TXNDC16: variants seen among roughly 807,000 people sequenced by gnomAD.
The protein encoded by TXNDC16 is thioredoxin domain containing 16.
In TXNDC16, 74 loss-of-function variants were observed where a neutral mutation model predicts 85.6. That is an observed-to-expected ratio of 0.86 (90% CI 0.72 to 1.05). TXNDC16 has a LOEUF of 1.05. Ranked by LOEUF, TXNDC16 falls within the 50% of genes least tolerant of loss-of-function variation. The pLI is 0.00. For synonymous variants in TXNDC16, 335 were observed against 326.5 expected (o/e 1.03, Z -0.28); for missense variants, 959 against 947.0 (o/e 1.01, Z -0.17).
At chr14:52,501,212 T>C (rs1453926548) in intron 9 of TXNDC16, among the ~76,000 whole-genome samples, 3 of 152,140 alleles carry the variant, frequency 2.0e-5, no homozygotes, top group Non-Finnish European at 4.4e-5. Flanking sequence ...GTATAAGACA[T>C]AGTTGTGTTA....
rs752693840 is a variant in TXNDC16, at chr14:52,543,573, T to C, written c.-16A>G. 8 of 1,611,784 alleles carry C rather than the reference T, an allele frequency of 5.0e-6. No individual in the cohort carries two copies. In the South Asian group the frequency reaches 5.5e-5, roughly 11 times the overall value. ...CGGAAAACATTATCAGCTGCAGTTG[T>C]ATCTGAGCGGATTTTGTCTGTTTTT... On this transcript the variant is annotated 5_prime_UTR_variant, in exon 3 of 21. It adds an upstream start codon to the 5' untranslated region. Transcript: ENST00000281741.
intron 6 of TXNDC16, among the ~76,000 whole-genome samples, chr14:52,528,696 C>T (rs977113909): frequency 6.7e-6 from 1 of 150,344 alleles, no homozygotes; most frequent in South Asian, 2.1e-4. Flanking sequence ...AAGTGAAATA[C>T]TATTTTGTTT....
Position 52,440,625 on chromosome 14 carries a change from C to A in TXNDC16, c.1942G>T (p.Ala648Ser), listed in dbSNP as rs1238794041. The A allele has an allele frequency of 5.6e-6, 9 of 1,609,412 alleles. No individual in the cohort carries two copies. The South Asian group carries it at 1.0e-4, about 18-fold the overall frequency. The change falls in exon 19 of 21, where the codon GCA becomes TCA. Residue 648 changes from alanine to serine, a missense_variant. Coordinates refer to ENST00000281741, the MANE Select transcript of TXNDC16 (RefSeq NM_020784.3). ...TTCTGCTTTACCAGTGTCAATATTGCTTTTTTATACTGAGGATTTACAGTG... is the reference window on the plus strand; with the variant it reads ...TTCTGCTTTACCAGTGTCAATATTGATTTTTTATACTGAGGATTTACAGTG... ...DGTVNPQYKK[A>S]ILTLVKQKYL...
intron 14 of TXNDC16, among the ~76,000 whole-genome samples, chr14:52,475,544 C>T (rs541554405): frequency 2.0e-5 from 3 of 151,990 alleles, no homozygotes; most frequent in Non-Finnish European, 4.4e-5. Context: ...CTGTGACTGC[C>T]GGCTTTCCTC....
intron 12 of TXNDC16, among the ~76,000 whole-genome samples, chr14:52,486,776 A>G (rs1020146281): frequency 2.0e-5 from 3 of 152,192 alleles, no homozygotes; most frequent in East Asian, 3.8e-4. Flanking sequence ...ATAAACAAAA[A>G]AGGCAAAGCT....
chr14:52,530,445 T>TAA (rs2037514339), intron 6 of TXNDC16, among the ~76,000 whole-genome samples: 1 of 14,430 alleles, frequency 6.9e-5, no homozygotes, highest in African/African-American at 4.5e-4. Context: ...ATATAATATA[T>TAA]TATTATATAA....
At position 52,440,720 on chromosome 14, in the gene TXNDC16, T is replaced by C. The variant is rs1173555968; in HGVS notation, c.1847A>G (p.Glu616Gly). 5.0e-6 allele frequency: 8 copies of C among 1,604,896 alleles called. No homozygotes were observed. Among genetic ancestry groups the C allele is most frequent in the Admixed American group, 1.7e-5 (1 of 57,816 alleles). The stretch of plus-strand genomic sequence containing the variant: ...ACTGGGAAGATTTTCCACAGTGATT[T>C]CCGGCTGTCAAAGAAAAGGAATAAC... ...ITDALLEMFP[E>G]ITVENLPSYF... Residue 616 changes from glutamate (E) to glycine (G), a missense_variant, in exon 19 of 21, where the codon GAA becomes GGA. Glu to Gly is a moderately conservative substitution (Grantham distance 98). Transcript: ENST00000281741.
intron 7 of TXNDC16, among the ~76,000 whole-genome samples, chr14:52,518,421 A>G (rs1394242838): frequency 6.6e-6 from 1 of 152,222 alleles, no homozygotes; most frequent in African/African-American, 2.4e-5. Context: ...TCTGAACCTC[A>G]GTTGCTAGCA....
At chr14:52,549,787 G>A (rs1018439011) in intron 1 of TXNDC16, among the ~76,000 whole-genome samples, 4 of 151,938 alleles carry the variant, frequency 2.6e-5, no homozygotes, top group Admixed American at 6.6e-5. Flanking sequence ...ACAGGCGCCC[G>A]CCACCACACC....
At chr14:52,444,877 T>G (rs1415287563) in intron 18 of TXNDC16, among the ~76,000 whole-genome samples, 1 of 152,118 alleles carries the variant, frequency 6.6e-6, no homozygotes, top group Non-Finnish European at 1.5e-5. Context: ...TAAAAGGATG[T>G]TCCCTGAATT....
chr14:52,448,722 C>A (rs2035340272), intron 18 of TXNDC16, among the ~76,000 whole-genome samples: 2 of 151,978 alleles, frequency 1.3e-5, no homozygotes, highest in South Asian at 2.1e-4. Context: ...ATAACCACAA[C>A]AATTTTTCAA....
In TXNDC16 at chr14:52,532,448, T is replaced by C. The variant is rs1392545357; in HGVS notation, c.392+4271A>G. On this transcript the variant is annotated intron_variant, in intron 6 of 20. Transcript: ENST00000281741. ...TCAAGCAACAGTTCAAATCTATTTT[T>C]TTTTTTGAGACAGAGTCTCAGTCTG... Among the ~76,000 whole-genome samples the C allele has an allele frequency of 6.6e-5, 10 of 152,284 alleles. No individual in the cohort carries two copies. The East Asian group carries it at 1.7e-3, about 26-fold the overall frequency.
At chr14:52,479,784 A>G in intron 14 of TXNDC16, among the ~76,000 whole-genome samples, 1 of 152,068 alleles carries the variant, frequency 6.6e-6, no homozygotes, top group Admixed American at 6.6e-5. Context: ...TCCCATCAAA[A>G]TACCACCATC....
At chr14:52,449,850 G>A (rs1458850813) in intron 18 of TXNDC16, among the ~76,000 whole-genome samples, 2 of 152,014 alleles carry the variant, frequency 1.3e-5, no homozygotes, top group African/African-American at 4.8e-5. Context: ...GCTCCTGAAT[G>A]ACCAGTGGGG....
chr14:52,526,973 C>G (rs2037350320), intron 6 of TXNDC16, among the ~76,000 whole-genome samples: 2 of 152,248 alleles, frequency 1.3e-5, no homozygotes, highest in Non-Finnish European at 2.9e-5. Context: ...GGGTGGCATG[C>G]CAGCGGAGGG....
chr14:52,550,942 T>TG (rs2038029869), intron 1 of TXNDC16, among the ~76,000 whole-genome samples: 1 of 152,184 alleles, frequency 6.6e-6, no homozygotes, highest in East Asian at 1.9e-4. Context: ...GATGAACTTC[T>TG]TAGGTTCCAA....
At chr14:52,522,596 A>G (rs2037234758) in intron 6 of TXNDC16, among the ~76,000 whole-genome samples, 1 of 152,230 alleles carries the variant, frequency 6.6e-6, no homozygotes, top group African/African-American at 2.4e-5. Flanking sequence ...GACAATTGTT[A>G]GTCACAGCCC....
At chr14:52,479,809 TA>T (rs2036104956) in intron 14 of TXNDC16, among the ~76,000 whole-genome samples, 2 of 151,952 alleles carry the variant, frequency 1.3e-5, no homozygotes, top group African/African-American at 4.8e-5. Context: ...TTCACAGAAC[TA>T]GAAAAAACAA....
chr14:52,486,701 G>C (rs1330525413), intron 12 of TXNDC16, among the ~76,000 whole-genome samples: 5 of 152,056 alleles, frequency 3.3e-5, no homozygotes, highest in African/African-American at 7.2e-5. Flanking sequence ...ATTAGATACA[G>C]GCACAACACC....
Sources: allele counts gnomAD v4.1 joint callset (sites outside exome capture counted in the v4.1 genomes callset), GRCh38; gene constraint gnomAD v4.1.1; transcripts MANE v1.5; gene names NCBI Gene and HGNC (gene_info 2026-07-23, HGNC 2026-07-21).